MAST4: variants seen among roughly 807,000 people sequenced by gnomAD.
MAST4 encodes the protein microtubule-associated serine/threonine-protein kinase 4.
A neutral mutation model predicts 162.7 loss-of-function variants in MAST4; 89 were observed. That is an observed-to-expected ratio of 0.55 (90% CI 0.46 to 0.65). The LOEUF (loss-of-function observed/expected upper bound fraction) is 0.65. MAST4 is among the 30% of genes least tolerant of loss of function. The probability of loss-of-function intolerance (pLI) is 0.00; values close to 1 mark genes in which losing one functional copy is unlikely to be tolerated. For missense variants in MAST4, 3,153 were observed against 3,374.0 expected (o/e 0.93, Z 1.62); for synonymous variants, 1,479 against 1,361.1 (o/e 1.09, Z -1.91).
intron 4 of MAST4, among the ~76,000 whole-genome samples, chr5:66,951,247 G>T (rs1402722828): frequency 2.0e-5 from 3 of 152,186 alleles, no homozygotes; most frequent in Non-Finnish European, 2.9e-5. Flanking sequence ...TGTAGCACAA[G>T]TGATGGAATA....
chr5:67,142,206 G>A lies in MAST4; in HGVS notation c.2586G>A (p.Leu862=). Residue 862 remains leucine (L), a synonymous_variant, in exon 20 of 29, where the codon CTG becomes CTA. Coordinates refer to ENST00000403625, the MANE Select transcript of MAST4 (RefSeq NM_001164664.2). The part of the protein sequence containing the change: ...LRQKAEFIPQ[L]ESEDDTSYFD... Reference sequence around the variant, plus strand: ...AGAAGGCAGAATTTATTCCCCAACTGGAATCTGAGGATGACACAAGTTATT... The same window carrying A: ...AGAAGGCAGAATTTATTCCCCAACTAGAATCTGAGGATGACACAAGTTATT... The A allele has an allele frequency of 1.2e-6, 2 of 1,613,828 alleles. No individual in the cohort carries two copies. Among genetic ancestry groups the A allele is most frequent in the South Asian group, 1.1e-5 (1 of 91,082 alleles).
chr5:66,865,343 T>G (rs1180251581), intron 3 of MAST4, among the ~76,000 whole-genome samples: 1 of 152,212 alleles, frequency 6.6e-6, no homozygotes, highest in Non-Finnish European at 1.5e-5. Context: ...AGCCATGCTT[T>G]AGAATTGGTT....
At chr5:67,087,030 C>T (rs1763316382) in intron 5 of MAST4, among the ~76,000 whole-genome samples, 1 of 152,198 alleles carries the variant, frequency 6.6e-6, no homozygotes, top group African/African-American at 2.4e-5. Context: ...CAGAGATTGA[C>T]TTCTACCTGC....
intron 1 of MAST4, among the ~76,000 whole-genome samples, chr5:66,670,734 G>A (rs1049865512): frequency 4.0e-5 from 6 of 149,894 alleles, no homozygotes; most frequent in African/African-American, 7.4e-5. Flanking sequence ...TTAGGCGGTC[G>A]ACTAGAGAAA....
intron 1 of MAST4, among the ~76,000 whole-genome samples, chr5:66,707,439 G>A (rs1161058095): frequency 1.3e-5 from 2 of 152,082 alleles, no homozygotes; most frequent in Admixed American, 6.6e-5. Flanking sequence ...CCAACAAGGG[G>A]GCCTTAAAAA....
At chr5:66,597,665 G>A (rs1279669057) in intron 1 of MAST4, among the ~76,000 whole-genome samples, 1 of 152,228 alleles carries the variant, frequency 6.6e-6, no homozygotes. Flanking sequence ...ATGAACGCTT[G>A]TCACCAAACC....
intron 3 of MAST4, among the ~76,000 whole-genome samples, chr5:66,789,905 T>C (rs1755308400): frequency 1.3e-5 from 2 of 152,126 alleles, no homozygotes; most frequent in African/African-American, 4.8e-5. Context: ...TCCATAAATA[T>C]GTGTGTATTT....
chr5:66,813,409 A>G (rs1756567854), intron 3 of MAST4, among the ~76,000 whole-genome samples: 1 of 152,222 alleles, frequency 6.6e-6, no homozygotes, highest in Non-Finnish European at 1.5e-5. Context: ...GGAAACTAAG[A>G]CAAATGAAAG....
At chr5:66,700,904 A>G (rs1749733759) in intron 1 of MAST4, among the ~76,000 whole-genome samples, 1 of 151,894 alleles carries the variant, frequency 6.6e-6, no homozygotes, top group Admixed American at 6.6e-5. Context: ...TGGATTGCTT[A>G]TGGCTCTTTA....
intron 3 of MAST4, among the ~76,000 whole-genome samples, chr5:66,882,424 T>C (rs958218766): frequency 1.3e-5 from 2 of 152,238 alleles, no homozygotes; most frequent in South Asian, 4.1e-4. Flanking sequence ...ATTTTTGTTT[T>C]GTTTTTGCTT....
At chr5:66,801,877 A>C (rs1755939739) in intron 3 of MAST4, among the ~76,000 whole-genome samples, 1 of 152,212 alleles carries the variant, frequency 6.6e-6, no homozygotes, top group Non-Finnish European at 1.5e-5. Context: ...CAGATGTAAG[A>C]CATTCATTTG....
chr5:66,650,068 G>A (rs1030663754), intron 1 of MAST4, among the ~76,000 whole-genome samples: 6 of 151,846 alleles, frequency 4.0e-5, no homozygotes, highest in East Asian at 1.9e-4. Context: ...TCAGTCAACC[G>A]TTGCCACAAT....
chr5:66,796,712 A>G (rs1335121286), intron 3 of MAST4, among the ~76,000 whole-genome samples: 1 of 152,144 alleles, frequency 6.6e-6, no homozygotes, highest in Non-Finnish European at 1.5e-5. Flanking sequence ...AGATCTCTGC[A>G]TGTTAGAGCT....
chr5:66,740,186 G>C (rs966312135), intron 1 of MAST4, among the ~76,000 whole-genome samples: 2 of 152,192 alleles, frequency 1.3e-5, no homozygotes, highest in African/African-American at 4.8e-5. Context: ...CATCACATGA[G>C]GAAAGCATTA....
intron 1 of MAST4, among the ~76,000 whole-genome samples, chr5:66,624,105 A>T (rs1243701442): frequency 6.7e-6 from 1 of 148,554 alleles, no homozygotes; most frequent in East Asian, 2.0e-4. Context: ...AAATGGAAAG[A>T]TCTCATGTTC....
chr5:66,964,467 C>T (rs1561485083), intron 4 of MAST4, among the ~76,000 whole-genome samples: 1 of 151,762 alleles, frequency 6.6e-6, no homozygotes, highest in Non-Finnish European at 1.5e-5. Flanking sequence ...TCGGAAGACA[C>T]ACATAGTGTA....
At position 66,899,260 on chromosome 5, in the gene MAST4, G is replaced by C. The variant is rs73765798; in HGVS notation, c.643-691G>C. On this transcript the variant is annotated intron_variant, in intron 3 of 28. Transcript: ENST00000403625. ...TTGGGTGGTTTTTTAGTTTTCCACA[G>C]CCTCTTGATGATTAGGTAGGTAAGA... is the stretch of plus-strand genomic sequence containing the variant. 1.7e-3 allele frequency among the ~76,000 whole-genome samples: 253 copies of C among 152,208 alleles called. 1 individual carries two copies. The highest frequency in any genetic ancestry group is 5.8e-3 in the African/African-American group (242 of 41,520).
intron 1 of MAST4, among the ~76,000 whole-genome samples, chr5:66,665,488 T>G (rs1238862164): frequency 3.3e-5 from 5 of 152,260 alleles, no homozygotes. Context: ...TTTTAAATGG[T>G]ATGATTCTTA....
At position 66,919,226 on chromosome 5, in the gene MAST4, G is replaced by A. The variant is rs146176419; in HGVS notation, c.674+19244G>A. Reference sequence around the variant, plus strand: ...TTGCATGTATATGAATATTAAAGATGATAATTAAGAAAAGAAGGGGAAATT... The same window carrying A: ...TTGCATGTATATGAATATTAAAGATAATAATTAAGAAAAGAAGGGGAAATT... On this transcript the variant is annotated intron_variant, in intron 4 of 28. Coordinates refer to ENST00000403625, the MANE Select transcript of MAST4 (RefSeq NM_001164664.2). 6.8e-3 allele frequency among the ~76,000 whole-genome samples: 1,032 copies of A among 151,912 alleles called. 8 individuals carry two copies. Among genetic ancestry groups the A allele is most frequent in the African/African-American group, 0.023 (946 of 41,410 alleles).
Sources: allele counts gnomAD v4.1 joint callset (sites outside exome capture counted in the v4.1 genomes callset), GRCh38; gene constraint gnomAD v4.1.1; transcripts MANE v1.5; gene names NCBI Gene and HGNC (gene_info 2026-07-23, HGNC 2026-07-21).